The following DTX1 variants were observed in gnomAD, a reference collection of about 807,000 sequenced individuals.
DTX1 encodes deltex E3 ubiquitin ligase 1, also known as E3 ubiquitin-protein ligase DTX1.
Under a neutral mutation model 57.8 loss-of-function variants are expected in DTX1, and 26 were observed. The ratio of observed to expected loss-of-function variants is 0.45; its 90% CI spans 0.33 to 0.62. DTX1 has a LOEUF of 0.62. Ranked by LOEUF, DTX1 falls within the 20% of genes least tolerant of loss-of-function variation. The pLI, the probability that DTX1 is intolerant of heterozygous loss-of-function variation, is 0.02. For missense variants in DTX1, 704 were observed against 895.3 expected (o/e 0.79, Z 2.73); for synonymous variants, 398 against 394.1 (o/e 1.01, Z -0.12).
chr12:113,094,118 GGCTGGGGGA>G lies in DTX1; in HGVS notation c.1227+21_1227+29del. The G allele has an allele frequency of 6.8e-7, 1 of 1,475,196 alleles. No individual in the cohort carries two copies. The highest frequency in any genetic ancestry group is 9.3e-7 in the Non-Finnish European group (1 of 1,076,156). 91.4% of individuals were successfully genotyped at this position (1,475,196 alleles called of 1,614,324 possible). On this transcript the variant is annotated intron_variant, in intron 6 of 9. Coordinates refer to ENST00000548759, the MANE Select transcript of DTX1 (RefSeq NM_004416.3). ...TGATGAGGTGAGGAGGGGATGGGGGGGCTGGGGGAGGGCCCTGGCATGGAGGGGGCAGGA... is the reference window on the plus strand; with the variant it reads ...TGATGAGGTGAGGAGGGGATGGGGGGGGGCCCTGGCATGGAGGGGGCAGGA...
rs757289343 is a variant in DTX1, at chr12:113,077,831, C to G, written c.667C>G (p.Arg223Gly). The part of the protein sequence containing the change: ...AASNAILASQ[R>G]RKAPPAPPLP... ...CTCCAACGCCATCCTGGCCTCGCAG[C>G]GCCGCAAGGCGCCCCCCGCGCCCCC... Residue 223 changes from arginine (R) to glycine (G), a missense_variant, in exon 3 of 10, where the codon CGC (arginine) becomes GGC (glycine). This residue lies in a region of DTX1 where 237 missense variants were observed against 328.6 expected (regional missense o/e 0.72). Coordinates refer to ENST00000548759, the MANE Select transcript of DTX1 (RefSeq NM_004416.3). The surrounding 1 kb of genome is among the most constrained non-coding windows in gnomAD (Gnocchi z 7.8). 6.5e-6 allele frequency: 9 copies of G among 1,378,842 alleles called. No homozygotes were observed. The South Asian group carries it at 1.0e-4, about 16-fold the overall frequency. 85.4% of individuals were successfully genotyped at this position (1,378,842 alleles called of 1,614,324 possible).
rs1307810008 is a variant in DTX1 at position 113,077,730 on chromosome 12, C to A, written c.566C>A (p.Ser189Ter). 4 of 1,534,358 alleles carry A rather than the reference C, an allele frequency of 2.6e-6. No homozygotes were observed. The change falls in exon 3 of 10, where the codon TCG (serine) becomes TAG (stop). Residue 189 changes from serine to a stop codon, truncating the protein, a stop_gained. Coordinates refer to ENST00000548759, the MANE Select transcript of DTX1 (RefSeq NM_004416.3). LOFTEE classifies it high-confidence loss of function. The surrounding 1 kb of genome is among the most constrained non-coding windows in gnomAD (Gnocchi z 7.8). ...GTGGGCTCCATCCCTAAGTCGCAGT[C>A]GTGGCCCGTGGGCGCCAGCTCGGGC... ...LTVGSIPKSQ[S>*]WPVGASSGQP...
In DTX1 at chr12:113,093,363, C is replaced by G; in HGVS notation, c.1003+140C>G. ...GCCCCCTTCCACTGGGCCCAGGACA[C>G]AGGGCGGGCGTGGCCCGCAGAAAGG... On this transcript the variant is annotated intron_variant, in intron 4 of 9. Coordinates refer to ENST00000548759, the MANE Select transcript of DTX1 (RefSeq NM_004416.3). This position sits in a 1 kb window ranked among gnomAD's most constrained non-coding sequence, Gnocchi z 4.2. 1 of 1,337,898 alleles carries G rather than the reference C, an allele frequency of 7.5e-7. No homozygotes were observed. The highest frequency in any genetic ancestry group is 1.5e-5 in the South Asian group (1 of 67,134). 82.9% of individuals were successfully genotyped at this position (1,337,898 alleles called of 1,614,324 possible). A position where few individuals can be genotyped will look rare whatever the true frequency, so the allele number is the denominator to read the frequency against.
chr12:113,094,652 G>A (rs975933251), intron 6 of DTX1, 137 bp from the exon 7 acceptor site: 9 of 966,586 alleles, frequency 9.3e-6, no homozygotes, highest in African/African-American at 1.6e-5. Flanking sequence ...GGCAGAGGGT[G>A]TGTCCTGTCT....
chr12:113,079,507 C>T (rs2044799785), intron 3 of DTX1, among the ~76,000 whole-genome samples: 1 of 142,642 alleles, frequency 7.0e-6, no homozygotes, highest in South Asian at 2.3e-4. Flanking sequence ...CCCCTCTTGG[C>T]CACTTCTCTT....
chr12:113,060,691 T>A (rs2136422404), intron 2 of DTX1, among the ~76,000 whole-genome samples: 1 of 152,326 alleles, frequency 6.6e-6, no homozygotes, highest in South Asian at 2.1e-4. Context: ...AAGTCATCAT[T>A]AGCTCCATGT....
At chr12:113,074,388 A>G (rs1389214851) in intron 2 of DTX1, among the ~76,000 whole-genome samples, 2 of 152,242 alleles carry the variant, frequency 1.3e-5, no homozygotes, top group Non-Finnish European at 2.9e-5. Context: ...TGGTGAGGTC[A>G]TATTCCAGGC....
intron 2 of DTX1, among the ~76,000 whole-genome samples, chr12:113,066,277 C>G (rs1032534640): frequency 1.3e-5 from 2 of 152,106 alleles, no homozygotes; most frequent in Admixed American, 1.3e-4. Flanking sequence ...ATCTATAATC[C>G]CAGCACTTTG....
rs1264108701 is a variant in DTX1 at position 113,058,299 on chromosome 12, G to A, written c.107G>A (p.Arg36His). Residue 36 changes from arginine to histidine, a missense_variant, in exon 2 of 10, where the codon CGC (arginine) becomes CAC (histidine). Coordinates refer to ENST00000548759, the MANE Select transcript of DTX1 (RefSeq NM_004416.3). ...VVWEWLNEHSRWRPYTATVCH... is the reference protein window; with the variant it reads ...VVWEWLNEHSHWRPYTATVCH... ...TGGGAGTGGCTGAATGAGCACAGCC[G>A]CTGGCGGCCCTACACGGCCACCGTG... 1.9e-6 allele frequency: 3 copies of A among 1,613,580 alleles called. No homozygotes were observed. Among genetic ancestry groups the A allele is most frequent in the African/African-American group, 1.3e-5 (1 of 75,038 alleles).
At chr12:113,086,073 G>C (rs1359288531) in intron 3 of DTX1, among the ~76,000 whole-genome samples, 1 of 151,934 alleles carries the variant, frequency 6.6e-6, no homozygotes, top group African/African-American at 2.4e-5. Flanking sequence ...TTTGAGACCA[G>C]CCTGGACAAC....
intron 2 of DTX1, among the ~76,000 whole-genome samples, chr12:113,064,992 G>A (rs920838443): frequency 6.6e-6 from 1 of 152,206 alleles, no homozygotes. Flanking sequence ...CCTTCAGCAG[G>A]GTCCTGGAGG....
rs766854481 is a variant in DTX1, at chr12:113,093,520, T to C, written c.1004-19T>C. The C allele has an allele frequency of 4.8e-6, 7 of 1,470,314 alleles. No homozygotes were observed. The highest frequency in any genetic ancestry group is 2.3e-5 in the South Asian group (2 of 86,842). 91.1% of individuals were successfully genotyped at this position (1,470,314 alleles called of 1,614,324 possible). A position where few individuals can be genotyped will look rare whatever the true frequency, so the allele number is the denominator to read the frequency against. On this transcript the variant is annotated intron_variant, in intron 4 of 9. Coordinates refer to ENST00000548759, the MANE Select transcript of DTX1 (RefSeq NM_004416.3). This position sits in a 1 kb window ranked among gnomAD's most constrained non-coding sequence, Gnocchi z 4.2. ...CGGGGATGGCGCCCCGCCCTGTGAC[T>C]GCGCCCCCTAACCCCCAGGGATGAC...
intron 2 of DTX1, among the ~76,000 whole-genome samples, chr12:113,076,153 A>G (rs1284867): frequency 0.47 from 71,899 of 151,812 alleles, 17,551 homozygotes; most frequent in African/African-American, 0.55. Flanking sequence ...ACATAAAGGT[A>G]TCAATTTAAA....
In DTX1 at chr12:113,077,330, C is replaced by A; in HGVS notation, c.260-94C>A. On this transcript the variant is annotated intron_variant, in intron 2 of 9. Coordinates refer to ENST00000548759, the MANE Select transcript of DTX1 (RefSeq NM_004416.3). The surrounding 1 kb of genome is among the most constrained non-coding windows in gnomAD (Gnocchi z 7.8). Reference sequence around the variant, plus strand: ...CTGGAGGCCTGTGCTGACCCCCCAACCTCCCGCCCACCCTTGCCTGGCTGT... The same window carrying A: ...CTGGAGGCCTGTGCTGACCCCCCAAACTCCCGCCCACCCTTGCCTGGCTGT... 5.1e-6 allele frequency: 7 copies of A among 1,367,690 alleles called. No individual in the cohort carries two copies. The highest frequency in any genetic ancestry group is 3.9e-6 in the Non-Finnish European group (4 of 1,024,324). 84.7% of individuals were successfully genotyped at this position (1,367,690 alleles called of 1,614,324 possible). A position where few individuals can be genotyped will look rare whatever the true frequency, so the allele number is the denominator to read the frequency against.
chr12:113,083,456 G>T (rs1001010484), intron 3 of DTX1, among the ~76,000 whole-genome samples: 3 of 152,112 alleles, frequency 2.0e-5, no homozygotes, highest in Non-Finnish European at 4.4e-5. Context: ...CTCCCAAGTA[G>T]TGGAGATTAC....
At chr12:113,076,367 G>A (rs552005460) in intron 2 of DTX1, among the ~76,000 whole-genome samples, 18 of 151,970 alleles carry the variant, frequency 1.2e-4, no homozygotes, top group African/African-American at 4.1e-4. Flanking sequence ...GCTGAGGCAG[G>A]AGAATCGCTT....
chr12:113,097,200 C>T lies in DTX1; in HGVS notation c.*261C>T, dbSNP rs762843247. Reference sequence around the variant, plus strand: ...CCAAAAAGACAGAGACCCGCCCCCTCACACACAAACACACATGTCCTGTTG... The same window carrying T: ...CCAAAAAGACAGAGACCCGCCCCCTTACACACAAACACACATGTCCTGTTG... On this transcript the variant is annotated 3_prime_UTR_variant, in exon 10 of 10. Transcript: ENST00000548759. 1.8e-5 allele frequency: 9 copies of T among 500,678 alleles called. No homozygotes were observed. The highest frequency in any genetic ancestry group is 2.5e-5 in the Non-Finnish European group (7 of 276,566). The allele number at this position is 500,678 out of a possible 1,614,324, so 31.0% of individuals were successfully genotyped here.
Position 113,070,105 on chromosome 12 carries a change from C to T in DTX1, c.260-7319C>T, listed in dbSNP as rs372559593. Among the ~76,000 whole-genome samples, 63 of 152,320 alleles carry T rather than the reference C, an allele frequency of 4.1e-4. No individual in the cohort carries two copies. The East Asian group carries it at 7.3e-3, about 18-fold the overall frequency. The stretch of plus-strand genomic sequence containing the variant: ...GCATCCGGTGTGCTCCTAACTGCTC[C>T]GTGCCTCTGTTTTCTCGCCTCTAAA... On this transcript the variant is annotated intron_variant, in intron 2 of 9. Coordinates refer to ENST00000548759, the MANE Select transcript of DTX1 (RefSeq NM_004416.3).
At chr12:113,071,463 C>T (rs2044737621) in intron 2 of DTX1, among the ~76,000 whole-genome samples, 1 of 152,270 alleles carries the variant, frequency 6.6e-6, no homozygotes, top group Non-Finnish European at 1.5e-5. Flanking sequence ...TTGTCACAGG[C>T]CCCTAACTGC....
Sources: gnomAD v4.1 joint callset for allele counts (sites outside exome capture counted in the v4.1 genomes callset) on GRCh38, gnomAD v4.1.1 for gene constraint, gnomAD v4.1.1 regional missense constraint, Gnocchi (gnomAD v3.1) non-coding constraint, MANE v1.5 for transcripts, NCBI Gene and HGNC (gene_info 2026-07-23, HGNC 2026-07-21) for gene names.